TMEM163: variants seen among roughly 807,000 people sequenced by gnomAD.
TMEM163 encodes transmembrane protein 163.
A neutral mutation model predicts 29.3 loss-of-function variants in TMEM163; 17 were observed. That is an observed-to-expected ratio of 0.58 (90% confidence interval 0.40 to 0.87). TMEM163 has a LOEUF of 0.87. TMEM163 is among the 40% of genes least tolerant of loss of function. The pLI is 0.00. For missense variants in TMEM163, 303 were observed against 381.5 expected, an observed-to-expected ratio of 0.79 and a Z score of 1.71; for synonymous variants, 157 against 160.6, an observed-to-expected ratio of 0.98 and a Z score of 0.17.
At chr2:134,518,726 C>T (rs971268148) in intron 4 of TMEM163, among the ~76,000 whole-genome samples, 3 of 152,108 alleles carry the variant, frequency 2.0e-5, no homozygotes, top group East Asian at 1.9e-4. Context: ...GAAGTGACCA[C>T]GATATCTCAC....
At chr2:134,657,379 T>A (rs764328773) in intron 2 of TMEM163, among the ~76,000 whole-genome samples, 3 of 152,216 alleles carry the variant, frequency 2.0e-5, no homozygotes, top group Non-Finnish European at 2.9e-5. Context: ...GAAAATCACC[T>A]CCTTTACAGC....
chr2:134,552,847 A>G (rs1207404664), intron 2 of TMEM163, among the ~76,000 whole-genome samples: 1 of 151,572 alleles, frequency 6.6e-6, no homozygotes, highest in Non-Finnish European at 1.5e-5. Flanking sequence ...TTTAGCAGAG[A>G]CAGGGTTTTT....
intron 2 of TMEM163, among the ~76,000 whole-genome samples, chr2:134,681,466 C>T (rs959018289): frequency 3.9e-5 from 6 of 152,170 alleles, no homozygotes; most frequent in Admixed American, 3.9e-4. Context: ...AGAACTCTGC[C>T]TTCTTGCCCC....
At chr2:134,527,022 T>C (rs1680311611) in intron 4 of TMEM163, among the ~76,000 whole-genome samples, 1 of 152,208 alleles carries the variant, frequency 6.6e-6, no homozygotes, top group Non-Finnish European at 1.5e-5. Flanking sequence ...TAAGACCCTA[T>C]AAAAATGCCT....
At chr2:134,670,139 C>T (rs762717440) in intron 2 of TMEM163, among the ~76,000 whole-genome samples, 13 of 152,064 alleles carry the variant, frequency 8.5e-5, no homozygotes, top group African/African-American at 2.7e-4. Context: ...CTTTAGTAGA[C>T]GTGGCTCCTT....
At chr2:134,693,437 T>A (rs919941541) in intron 2 of TMEM163, among the ~76,000 whole-genome samples, 1 of 151,680 alleles carries the variant, frequency 6.6e-6, no homozygotes, top group African/African-American at 2.4e-5. Flanking sequence ...CGAAACCCCA[T>A]CTCTACTAAA....
At chr2:134,520,531 G>A (rs1053330213) in intron 4 of TMEM163, among the ~76,000 whole-genome samples, 11 of 152,278 alleles carry the variant, frequency 7.2e-5, no homozygotes, top group Admixed American at 5.9e-4. Flanking sequence ...ATCCACATGC[G>A]GGTCTTATTA....
chr2:134,689,946 T>G (rs1050856618), intron 2 of TMEM163, among the ~76,000 whole-genome samples: 1 of 149,526 alleles, frequency 6.7e-6, no homozygotes, highest in Non-Finnish European at 1.5e-5. Context: ...TTGTTTGTTT[T>G]TGGAGGCAGA....
At chr2:134,581,588 C>T (rs1681694584) in intron 2 of TMEM163, among the ~76,000 whole-genome samples, 1 of 152,128 alleles carries the variant, frequency 6.6e-6, no homozygotes, top group African/African-American at 2.4e-5. Flanking sequence ...CCAGCAATTC[C>T]CCCACTTACA....
chr2:134,628,029 A>G (rs1682890530), intron 2 of TMEM163, among the ~76,000 whole-genome samples: 1 of 152,228 alleles, frequency 6.6e-6, no homozygotes, highest in Admixed American at 6.5e-5. Context: ...GGTTTATTAT[A>G]TATCATTGAA....
intron 2 of TMEM163, among the ~76,000 whole-genome samples, chr2:134,686,466 G>A (rs1684354332): frequency 1.3e-5 from 2 of 152,118 alleles, no homozygotes; most frequent in South Asian, 2.1e-4. Context: ...CAGCTGACTC[G>A]TGAGTTGTGT....
chr2:134,599,502 A>G (rs1266807089), intron 2 of TMEM163, among the ~76,000 whole-genome samples: 1 of 152,014 alleles, frequency 6.6e-6, no homozygotes, highest in Non-Finnish European at 1.5e-5. Flanking sequence ...CTGCACCCGG[A>G]GGAGGGCCCT....
chr2:134,455,908 C>G lies in TMEM163; in HGVS notation c.*808G>C, dbSNP rs963187814. 3.9e-5 allele frequency: 6 copies of G among 151,938 alleles called. No homozygotes were observed. Among genetic ancestry groups the G allele is most frequent in the African/African-American group, 1.5e-4 (6 of 41,174 alleles). 9.4% of individuals were successfully genotyped at this position (151,938 alleles called of 1,614,324 possible). A position where few individuals can be genotyped will look rare whatever the true frequency, so the allele number is the denominator to read the frequency against. On this transcript the variant is annotated 3_prime_UTR_variant, in exon 8 of 8. Coordinates refer to ENST00000281924, the MANE Select transcript of TMEM163 (RefSeq NM_030923.5). ...TCAGCTGAGAACGTCTTGTTCCTTACAGAGGGAGCGATCCATCTCTCACAG... is the reference window on the plus strand; with the variant it reads ...TCAGCTGAGAACGTCTTGTTCCTTAGAGAGGGAGCGATCCATCTCTCACAG...
chr2:134,626,397 G>T (rs1043357589), intron 2 of TMEM163, among the ~76,000 whole-genome samples: 3 of 151,886 alleles, frequency 2.0e-5, no homozygotes, highest in African/African-American at 7.3e-5. Context: ...GAGCCACCAT[G>T]CCCAGCCTCC....
chr2:134,604,691 T>C (rs577661458), intron 2 of TMEM163, among the ~76,000 whole-genome samples: 70 of 152,296 alleles, frequency 4.6e-4, no homozygotes, highest in African/African-American at 1.5e-3. Context: ...AAAGTATTTT[T>C]AAAACCTCCA....
chr2:134,593,896 C>T (rs752571194), intron 2 of TMEM163, among the ~76,000 whole-genome samples: 1 of 151,890 alleles, frequency 6.6e-6, no homozygotes. Flanking sequence ...ATGAAGGCCG[C>T]TCAGCCCCCA....
At chr2:134,640,323 G>T (rs1441059987) in intron 2 of TMEM163, among the ~76,000 whole-genome samples, 3 of 151,906 alleles carry the variant, frequency 2.0e-5, no homozygotes, top group Non-Finnish European at 2.9e-5. Flanking sequence ...CCAGAAAAAA[G>T]AAAAATGAAG....
intron 4 of TMEM163, among the ~76,000 whole-genome samples, chr2:134,543,588 C>T (rs1473065824): frequency 6.6e-6 from 1 of 152,212 alleles, no homozygotes; most frequent in African/African-American, 2.4e-5. Context: ...CCAGCTCAGG[C>T]ACCAAAAGCA....
At chr2:134,529,452 A>C (rs1158639594) in intron 4 of TMEM163, among the ~76,000 whole-genome samples, 1 of 152,144 alleles carries the variant, frequency 6.6e-6, no homozygotes, top group Non-Finnish European at 1.5e-5. Flanking sequence ...TCATACATTA[A>C]ATTGTCCAGT....
Sources: allele counts gnomAD v4.1 joint callset (sites outside exome capture counted in the v4.1 genomes callset), GRCh38; gene constraint gnomAD v4.1.1; transcripts MANE v1.5; gene names NCBI Gene and HGNC (gene_info 2026-07-23, HGNC 2026-07-21).